The following THBS4 variants were observed in gnomAD, a reference collection of about 807,000 sequenced individuals.
THBS4 encodes the protein thrombospondin 4, also known as thrombospondin-4.
In THBS4, 90 loss-of-function variants were observed where a neutral mutation model predicts 115.7. The observed-to-expected ratio is 0.78, with a 90% CI of 0.66 to 0.93. The LOEUF (loss-of-function observed/expected upper bound fraction) is 0.93, where lower values mean the gene tolerates loss of function less well. Ranked by LOEUF, THBS4 falls within the 40% of genes least tolerant of loss-of-function variation. The pLI, the probability that THBS4 is intolerant of heterozygous loss-of-function variation, is 0.00. For synonymous variants in THBS4, 460 were observed against 479.3 expected (o/e 0.96, Z 0.53); for missense variants, 1,087 against 1,232.7 (o/e 0.88, Z 1.77).
intron 13 of THBS4, chr5:80,071,947 T>C (rs1834076683): frequency 3.7e-6 from 1 of 271,410 alleles, no homozygotes; most frequent in South Asian, 5.5e-5. Context: ...CCTAGAGCCC[T>C]AGGGTCTCAG....
intron 1 of THBS4, among the ~76,000 whole-genome samples, chr5:80,037,555 C>G (rs1832755013): frequency 6.6e-6 from 1 of 152,284 alleles, no homozygotes; most frequent in African/African-American, 2.4e-5. Flanking sequence ...TTTCAAAACA[C>G]TCTCTATGTT....
At chr5:79,994,403 C>G (rs1331688678) in intron 1 of THBS4, among the ~76,000 whole-genome samples, 1 of 152,134 alleles carries the variant, frequency 6.6e-6, no homozygotes, top group Non-Finnish European at 1.5e-5. Flanking sequence ...CCCAGTTTCA[C>G]CCAAAGTGGA....
intron 20 of THBS4, among the ~76,000 whole-genome samples, chr5:80,080,579 CTTTTTTTTT>C (rs67048630): frequency 0.024 from 1,216 of 50,570 alleles, 53 homozygotes; most frequent in Admixed American, 0.043. Flanking sequence ...GCGCTTGTAT[CTTTTTTTTT>C]TTTTTTTTTT....
chr5:80,009,732 T>A (rs1292706091), intron 2 of THBS4, among the ~76,000 whole-genome samples: 1 of 152,154 alleles, frequency 6.6e-6, no homozygotes, highest in Non-Finnish European at 1.5e-5. Context: ...TTAATTGACA[T>A]CTACAATTTT....
intron 1 of THBS4, among the ~76,000 whole-genome samples, chr5:80,037,607 A>G (rs1456169070): frequency 6.6e-6 from 1 of 152,198 alleles, no homozygotes; most frequent in African/African-American, 2.4e-5. Context: ...AGAGAGATGC[A>G]AATGAATCAG....
intron 2 of THBS4, among the ~76,000 whole-genome samples, chr5:80,004,589 C>G (rs1831978929): frequency 6.6e-6 from 1 of 152,176 alleles, no homozygotes. Context: ...TGTTTATCCA[C>G]TAGAGCAAAG....
chr5:80,046,656 G>A (rs1358475573), intron 2 of THBS4, among the ~76,000 whole-genome samples: 2 of 151,964 alleles, frequency 1.3e-5, no homozygotes, highest in Admixed American at 6.6e-5. Context: ...CATGCTGTGA[G>A]CATAATGTAT....
intron 2 of THBS4, among the ~76,000 whole-genome samples, chr5:80,009,654 C>T (rs1386259423): frequency 9.0e-6 from 1 of 111,688 alleles, no homozygotes. Context: ...TGAAGAAAAA[C>T]TCAAAAAAAA....
At chr5:80,044,732 G>T (rs138265924) in intron 2 of THBS4, among the ~76,000 whole-genome samples, 21 of 139,334 alleles carry the variant, frequency 1.5e-4, no homozygotes, top group African/African-American at 5.9e-4. Flanking sequence ...GCCAAAAAAA[G>T]ATTTTTTTTT....
chr5:80,006,198 G>C (rs1426840968), intron 2 of THBS4, among the ~76,000 whole-genome samples: 5 of 152,126 alleles, frequency 3.3e-5, no homozygotes, highest in Non-Finnish European at 5.9e-5. Context: ...AGGTTGGTCA[G>C]CTTCCCTCTT....
At chr5:80,041,912 A>G (rs1407397392) in intron 2 of THBS4, among the ~76,000 whole-genome samples, 3 of 152,184 alleles carry the variant, frequency 2.0e-5, no homozygotes, top group Admixed American at 2.0e-4. Flanking sequence ...GTGATTGTAC[A>G]CTTAAATCTG....
At position 80,083,067 on chromosome 5, in the gene THBS4, A is replaced by G. The variant is rs1343704640; in HGVS notation, c.2825-13A>G. 3.1e-6 allele frequency: 5 copies of G among 1,612,958 alleles called. No individual in the cohort carries two copies. Among genetic ancestry groups the G allele is most frequent in the Non-Finnish European group, 3.4e-6 (4 of 1,179,062 alleles). On this transcript the variant is annotated splice_polypyrimidine_tract_variant and intron_variant, in intron 21 of 21. Coordinates refer to ENST00000350881, the MANE Select transcript of THBS4 (RefSeq NM_003248.6). The stretch of plus-strand genomic sequence containing the variant: ...GAGCCTCGCTAACCTCCCTGTGCCC[A>G]TTCCTATTGCAGACACCATCCCTGA...
intron 1 of THBS4, among the ~76,000 whole-genome samples, chr5:79,995,844 C>T (rs1456496083): frequency 6.6e-6 from 1 of 152,044 alleles, no homozygotes; most frequent in Non-Finnish European, 1.5e-5. Flanking sequence ...AAAAAGACAG[C>T]TGGGCACAGT....
intron 2 of THBS4, among the ~76,000 whole-genome samples, chr5:80,025,833 T>G (rs572347651): frequency 2.6e-5 from 4 of 152,296 alleles, no homozygotes; most frequent in African/African-American, 9.6e-5. Context: ...TGGGTAAACT[T>G]TATTAGATTT....
intron 13 of THBS4, 142 bp downstream of exon 13, chr5:80,071,322 A>AGTCCACCTTG: frequency 7.0e-7 from 1 of 1,421,466 alleles, no homozygotes; most frequent in Non-Finnish European, 9.2e-7. Flanking sequence ...GGAAGACCCA[A>AGTCCACCTTG]GGTGGACTTG....
At chr5:80,016,140 C>T (rs1832242039) in intron 2 of THBS4, among the ~76,000 whole-genome samples, 1 of 152,236 alleles carries the variant, frequency 6.6e-6, no homozygotes, top group Non-Finnish European at 1.5e-5. Context: ...ATTCCCAAAC[C>T]TCAATGACTC....
At chr5:80,006,632 T>C (rs2434309) in intron 2 of THBS4, among the ~76,000 whole-genome samples, 35,660 of 152,096 alleles carry the variant, frequency 0.23, 4,563 homozygotes, top group African/African-American at 0.33. Flanking sequence ...TGGACACTTC[T>C]CCACACTGGA....
At chr5:79,991,363 A>G in exon 1 of THBS4, 2 of 698,740 alleles carry the variant, frequency 2.9e-6, no homozygotes, top group Non-Finnish European at 4.4e-6. Context: ...TGAGAGAAAC[A>G]ACGACTGGAG....
chr5:80,044,364 C>T (rs1832993887), intron 2 of THBS4, among the ~76,000 whole-genome samples: 1 of 152,128 alleles, frequency 6.6e-6, no homozygotes, highest in Admixed American at 6.5e-5. Flanking sequence ...AAATGACATA[C>T]ACCATTGTGA....
Sources: gnomAD v4.1 joint callset for allele counts (sites outside exome capture counted in the v4.1 genomes callset) on GRCh38, gnomAD v4.1.1 for gene constraint, MANE v1.5 for transcripts, NCBI Gene and HGNC (gene_info 2026-07-23, HGNC 2026-07-21) for gene names.